SDHA: variants seen among roughly 807,000 people sequenced by gnomAD.
The protein encoded by SDHA is succinate dehydrogenase complex flavoprotein subunit A, also known as succinate dehydrogenase [ubiquinone] flavoprotein subunit, mitochondrial.
In SDHA, 48 loss-of-function variants were observed where a neutral mutation model predicts 78.4. The ratio of observed to expected loss-of-function variants is 0.61; its 90% confidence interval spans 0.49 to 0.78. SDHA has a LOEUF of 0.78. Ranked by LOEUF, SDHA falls within the 30% of genes least tolerant of loss-of-function variation. The pLI is 0.00. For synonymous variants in SDHA, 326 were observed against 353.9 expected (o/e 0.92, Z 0.88); for missense variants, 680 against 892.7 (o/e 0.76, Z 3.04).
At chr5:240,773 G>T (rs1236157350) in intron 11 of SDHA, among the ~76,000 whole-genome samples, 1 of 152,066 alleles carries the variant, frequency 6.6e-6, no homozygotes, top group Non-Finnish European at 1.5e-5. Flanking sequence ...GTGAGAATGT[G>T]TGACACTTGA....
At chr5:221,303 C>T (rs1734699022) in intron 1 of SDHA, among the ~76,000 whole-genome samples, 2 of 152,146 alleles carry the variant, frequency 1.3e-5, no homozygotes, top group African/African-American at 4.8e-5. Context: ...AGCGGATATG[C>T]AGGTGCATTT....
chr5:230,991 C>T lies in SDHA; in HGVS notation c.886C>T (p.His296Tyr), dbSNP rs1579397566. The stretch of plus-strand genomic sequence containing the variant: ...CCAGGACCTAGAGTTTGTTCAGTTC[C>T]ACCCTACAGGTAGGGCAGGACGCCT... ...PCQDLEFVQF[H>Y]PTGIYGAGCL... The change falls in exon 7 of 15, where the codon CAC becomes TAC. Residue 296 changes from histidine (H) to tyrosine (Y), a missense_variant. Physicochemically the swap from His to Tyr is moderately conservative, Grantham distance 83. Transcript: ENST00000264932. 1.9e-6 allele frequency: 3 copies of T among 1,613,940 alleles called. No homozygotes were observed. The highest frequency in any genetic ancestry group is 2.5e-6 in the Non-Finnish European group (3 of 1,179,848).
intron 10 of SDHA, among the ~76,000 whole-genome samples, chr5:239,274 G>A (rs759775439): frequency 3.4e-5 from 5 of 147,804 alleles, no homozygotes; most frequent in African/African-American, 5.3e-5. Flanking sequence ...CACAAGAGTT[G>A]CAAATCTTGG....
At chr5:240,566 G>A (rs1402786366) in intron 11 of SDHA, 90 bp downstream of exon 11, 10 of 834,462 alleles carry the variant, frequency 1.2e-5, no homozygotes, top group African/African-American at 1.7e-5. Context: ...GATCTAGGGG[G>A]ATGCAGGTGC....
chr5:225,890 A>G lies in SDHA; in HGVS notation c.464A>G (p.Asn155Ser), dbSNP rs749824479. ...TGTTTTTATCTTTCACAGCTAGAAA[A>G]TTATGGCATGCCGTTTAGCAGAACT... ...QAPAAVVELE[N>S]YGMPFSRTED... Residue 155 changes from asparagine (N) to serine (S), a missense_variant, in exon 5 of 15, where the codon AAT becomes AGT. Physicochemically the swap from Asn to Ser is conservative, Grantham distance 46. Coordinates refer to ENST00000264932, the MANE Select transcript of SDHA (RefSeq NM_004168.4). The G allele has an allele frequency of 2.4e-5, 38 of 1,612,704 alleles. No homozygotes were observed. The highest frequency in any genetic ancestry group is 3.1e-5 in the Non-Finnish European group (36 of 1,179,926).
chr5:251,137 G>A (rs759072131), intron 12 of SDHA, 34 bp downstream of exon 12: 55 of 1,601,902 alleles, frequency 3.4e-5, no homozygotes, highest in Non-Finnish European at 4.5e-5. Flanking sequence ...CACACTGTTG[G>A]GCCCTTCCTT....
intron 10 of SDHA, among the ~76,000 whole-genome samples, chr5:239,935 A>G (rs1047756989): frequency 6.6e-6 from 1 of 151,742 alleles, no homozygotes; most frequent in Non-Finnish European, 1.5e-5. Flanking sequence ...ATACCCAGAT[A>G]ATTTTTGTGT....
intron 14 of SDHA, among the ~76,000 whole-genome samples, chr5:256,001 C>T (rs1157113985): frequency 2.0e-5 from 3 of 152,220 alleles, no homozygotes; most frequent in African/African-American, 7.2e-5. Flanking sequence ...GAAGATCTGA[C>T]TCCATAGCAC....
At chr5:232,685 G>A (rs1260109245) in intron 7 of SDHA, among the ~76,000 whole-genome samples, 1 of 152,198 alleles carries the variant, frequency 6.6e-6, no homozygotes, top group Non-Finnish European at 1.5e-5. Flanking sequence ...AGACAGACAA[G>A]AATCACATTC....
At chr5:250,003 T>C (rs1425526674) in intron 11 of SDHA, 1 of 151,986 alleles carries the variant, frequency 6.6e-6, no homozygotes, top group Non-Finnish European at 1.5e-5. Flanking sequence ...CATTCACATT[T>C]CAAAAAAAAT....
Position 240,609 on chromosome 5 carries a change from G to A in SDHA, c.1551+133G>A, listed in dbSNP as rs1736077821. 3 of 709,610 alleles carry A rather than the reference G, an allele frequency of 4.2e-6. No homozygotes were observed. In the Admixed American group the frequency reaches 6.0e-5, roughly 14 times the overall value. 44.0% of individuals were successfully genotyped at this position (709,610 alleles called of 1,614,324 possible). Reference sequence around the variant, plus strand: ...TGTGGATGTACTGGGAGGTGGTGGAGTCTGGGCTTTTCATGTACCCGTCAC... The same window carrying A: ...TGTGGATGTACTGGGAGGTGGTGGAATCTGGGCTTTTCATGTACCCGTCAC... On this transcript the variant is annotated intron_variant, in intron 11 of 14. Coordinates refer to ENST00000264932, the MANE Select transcript of SDHA (RefSeq NM_004168.4).
chr5:241,031 C>G (rs1736107691), intron 11 of SDHA, among the ~76,000 whole-genome samples: 2 of 151,972 alleles, frequency 1.3e-5, no homozygotes, highest in Non-Finnish European at 2.9e-5. Context: ...GGACGTACTC[C>G]TCACCGTATC....
intron 1 of SDHA, among the ~76,000 whole-genome samples, chr5:221,601 G>A (rs749257978): frequency 3.9e-5 from 6 of 151,968 alleles, no homozygotes; most frequent in Non-Finnish European, 8.8e-5. Context: ...GTTAAGCAAG[G>A]TCTAAGTATT....
downstream of SDHA, among the ~76,000 whole-genome samples, chr5:259,952 C>CGTGTGAGCTCCGCCTCCCAAT (rs1737425280): frequency 1.9e-5 from 1 of 51,322 alleles, no homozygotes; most frequent in Non-Finnish European, 3.5e-5. Flanking sequence ...CGCCTCCCGC[C>CGTGTGAGCTCCGCCTCCCAAT]AGAGCATTAC....
In SDHA at chr5:236,467, G is replaced by A. The variant is rs529198317; in HGVS notation, c.1300G>A (p.Gly434Ser). 28 of 1,613,940 alleles carry A rather than the reference G, an allele frequency of 1.7e-5. No homozygotes were observed. The highest frequency in any genetic ancestry group is 6.7e-5 in the African/African-American group (5 of 75,044). Reference sequence around the variant, plus strand: ...GAATGGCCAGGATCAGATTGTGCCCGGCCTGTACGCCTGTGGGGAGGCCGC... The same window carrying A: ...GAATGGCCAGGATCAGATTGTGCCCAGCCTGTACGCCTGTGGGGAGGCCGC... ...HVNGQDQIVP[G>S]LYACGEAACA... Residue 434 changes from glycine (G) to serine (S), a missense_variant, in exon 10 of 15, where the codon GGC becomes AGC. By Grantham distance (56) the Gly-to-Ser change is moderately conservative (BLOSUM62 0). Coordinates refer to ENST00000264932, the MANE Select transcript of SDHA (RefSeq NM_004168.4).
intron 6 of SDHA, among the ~76,000 whole-genome samples, chr5:229,193 A>G (rs1467765407): frequency 6.6e-6 from 1 of 152,230 alleles, no homozygotes; most frequent in Non-Finnish European, 1.5e-5. Context: ...TACAACTATT[A>G]CGGAAAACTC....
intron 11 of SDHA, among the ~76,000 whole-genome samples, chr5:244,189 G>A (rs1236273666): frequency 7.2e-5 from 11 of 151,776 alleles, no homozygotes; most frequent in African/African-American, 1.5e-4. Context: ...CGCCACAGCC[G>A]GTAGTGCCAC....
chr5:262,568 G>A, the SDHA span, among the ~76,000 whole-genome samples: 4 of 152,090 alleles, frequency 2.6e-5, no homozygotes, highest in Non-Finnish European at 4.4e-5. Flanking sequence ...AGATGGAACC[G>A]TTTCATCTCC....
rs746626065 is a variant in SDHA, at chr5:240,520, A to G, written c.1551+44A>G. 21 of 1,266,600 alleles carry G rather than the reference A, an allele frequency of 1.7e-5. No individual in the cohort carries two copies. The South Asian group carries it at 2.4e-4, about 14-fold the overall frequency. 78.5% of individuals were successfully genotyped at this position (1,266,600 alleles called of 1,614,324 possible). On this transcript the variant is annotated intron_variant, in intron 11 of 14. Transcript: ENST00000264932. The stretch of plus-strand genomic sequence containing the variant: ...TCTGGAGTGAGCAGGAGGGCTGCAT[A>G]CCTGGCCCTGCACTGGTTTTGTTTT...
Sources: allele counts gnomAD v4.1 joint callset (sites outside exome capture counted in the v4.1 genomes callset), GRCh38; gene constraint gnomAD v4.1.1; transcripts MANE v1.5; gene names NCBI Gene and HGNC (gene_info 2026-07-23, HGNC 2026-07-21).